FHIT: variants seen among roughly 807,000 people sequenced by gnomAD.
FHIT encodes bis(5'-adenosyl)-triphosphatase.
Under a neutral mutation model 17.9 loss-of-function variants are expected in FHIT, and 19 were observed. The observed-to-expected ratio is 1.06, with a 90% CI of 0.74 to 1.56. The LOEUF (loss-of-function observed/expected upper bound fraction) is 1.56, where lower values mean the gene tolerates loss of function less well. FHIT is among the 40% of genes most tolerant of loss of function. The pLI is 0.00. For synonymous variants in FHIT, 81 were observed against 69.7 expected (o/e 1.16, Z -0.81); for missense variants, 248 against 189.2 (o/e 1.31, Z -1.82).
chr3:59,878,347 G>A (rs1319472797), intron 8 of FHIT, among the ~76,000 whole-genome samples: 2 of 152,060 alleles, frequency 1.3e-5, no homozygotes, highest in Non-Finnish European at 2.9e-5. Flanking sequence ...GACATCCAGA[G>A]CTCCATCTTC....
In FHIT at chr3:59,749,522, C is replaced by G. The variant is rs201214811; in HGVS notation, c.*63G>C. On this transcript the variant is annotated 3_prime_UTR_variant, in exon 10 of 10. Transcript: ENST00000492590. ...GTTCCTCTTGGGGAGAGGCGGGGGG[C>G]GGTCTTCAAACTGGTTGGCAATAGC... is the stretch of plus-strand genomic sequence containing the variant. The G allele has an allele frequency of 8.8e-3, 1,850 of 209,106 alleles. 35 individuals are homozygous for G. The highest frequency in any genetic ancestry group is 0.042 in the African/African-American group (1,690 of 39,958). The allele number at this position is 209,106 out of a possible 1,614,324, so 13.0% of individuals were successfully genotyped here.
At chr3:60,440,709 T>A (rs1184878475) in intron 5 of FHIT, among the ~76,000 whole-genome samples, 1 of 151,424 alleles carries the variant, frequency 6.6e-6, no homozygotes, top group Non-Finnish European at 1.5e-5. Context: ...AATCCAAAGT[T>A]TTTTTCTTGC....
intron 4 of FHIT, among the ~76,000 whole-genome samples, chr3:60,543,906 G>GC (rs2036270093): frequency 9.2e-5 from 1 of 10,924 alleles, no homozygotes; most frequent in Non-Finnish European, 1.5e-4. Context: ...ACCACGCCCG[G>GC]CTTTTTTTTT....
intron 5 of FHIT, among the ~76,000 whole-genome samples, chr3:60,105,453 T>C (rs568568817): frequency 1.3e-5 from 2 of 152,340 alleles, no homozygotes; most frequent in South Asian, 2.1e-4. Flanking sequence ...GACTGAGATA[T>C]GTGTGGCTTC....
At chr3:60,439,131 T>G (rs527550299) in intron 5 of FHIT, among the ~76,000 whole-genome samples, 6 of 152,194 alleles carry the variant, frequency 3.9e-5, no homozygotes, top group Non-Finnish European at 7.4e-5. Flanking sequence ...CTTAGACTGC[T>G]TTGCAGGCAT....
At chr3:60,488,360 T>G (rs182066471) in intron 5 of FHIT, among the ~76,000 whole-genome samples, 1 of 152,294 alleles carries the variant, frequency 6.6e-6, no homozygotes, top group Admixed American at 6.5e-5. Context: ...ATTCTGAAGT[T>G]TAGAAAACCT....
intron 5 of FHIT, among the ~76,000 whole-genome samples, chr3:60,134,707 A>C (rs1315143051): frequency 6.6e-6 from 1 of 152,200 alleles, no homozygotes; most frequent in African/African-American, 2.4e-5. Flanking sequence ...ACAAATGTAG[A>C]CACGTAAACA....
At chr3:61,141,885 G>C (rs1277836300) in intron 2 of FHIT, among the ~76,000 whole-genome samples, 1 of 151,462 alleles carries the variant, frequency 6.6e-6, no homozygotes. Context: ...TGGGAAATCT[G>C]CATCACCGGG....
At chr3:60,969,624 ATATTGGAATTC>A (rs1280735609) in intron 3 of FHIT, among the ~76,000 whole-genome samples, 2 of 152,178 alleles carry the variant, frequency 1.3e-5, no homozygotes, top group Non-Finnish European at 2.9e-5. Flanking sequence ...TAATTTCCAA[ATATTGGAATTC>A]TATCATTATC....
At chr3:60,870,493 G>C (rs1179858288) in intron 3 of FHIT, among the ~76,000 whole-genome samples, 4 of 152,142 alleles carry the variant, frequency 2.6e-5, no homozygotes, top group Non-Finnish European at 5.9e-5. Flanking sequence ...GATGCAGGAG[G>C]TGGAAGGTAG....
At chr3:60,470,363 G>A (rs1376384224) in intron 5 of FHIT, among the ~76,000 whole-genome samples, 1 of 152,016 alleles carries the variant, frequency 6.6e-6, no homozygotes, top group Admixed American at 6.6e-5. Context: ...GCCTGGAGTT[G>A]GGAAATTTAG....
At chr3:60,083,436 G>A (rs995290236) in intron 5 of FHIT, among the ~76,000 whole-genome samples, 3 of 151,984 alleles carry the variant, frequency 2.0e-5, no homozygotes, top group Admixed American at 6.6e-5. Flanking sequence ...TTGGCTACTC[G>A]GGCTCCTTTT....
At chr3:60,527,984 T>G (rs760647472) in intron 5 of FHIT, among the ~76,000 whole-genome samples, 1 of 152,214 alleles carries the variant, frequency 6.6e-6, no homozygotes, top group Non-Finnish European at 1.5e-5. Context: ...ATAGAACAAT[T>G]TTTGTTTCAG....
At chr3:60,332,245 C>A (rs1379274815) in intron 5 of FHIT, among the ~76,000 whole-genome samples, 1 of 152,158 alleles carries the variant, frequency 6.6e-6, no homozygotes, top group African/African-American at 2.4e-5. Context: ...CTCAAAACTC[C>A]TAAATGATAA....
intron 4 of FHIT, among the ~76,000 whole-genome samples, chr3:60,816,253 G>A (rs538652969): frequency 6.6e-6 from 1 of 152,072 alleles, no homozygotes; most frequent in Non-Finnish European, 1.5e-5. Context: ...CCTGATTGCT[G>A]TGGCTAGCAC....
intron 2 of FHIT, among the ~76,000 whole-genome samples, chr3:61,188,101 T>C (rs60664002): frequency 0.21 from 32,270 of 151,632 alleles, 3,509 homozygotes; most frequent in South Asian, 0.29. Flanking sequence ...CTGAAGGAAA[T>C]AGAGACACAA....
chr3:60,077,870 C>A (rs529397206), intron 5 of FHIT, among the ~76,000 whole-genome samples: 1 of 151,862 alleles, frequency 6.6e-6, no homozygotes, highest in East Asian at 1.9e-4. Context: ...CTGCTCTCTT[C>A]ACAAAAAAAG....
intron 7 of FHIT, among the ~76,000 whole-genome samples, chr3:59,946,782 GTT>G (rs1706826620): frequency 6.6e-6 from 1 of 152,072 alleles, no homozygotes; most frequent in African/African-American, 2.4e-5. Flanking sequence ...TGTGGTTTTT[GTT>G]TTTAGTTCTG....
chr3:60,362,480 C>A (rs949151082), intron 5 of FHIT, among the ~76,000 whole-genome samples: 1 of 152,038 alleles, frequency 6.6e-6, no homozygotes, highest in South Asian at 2.1e-4. Flanking sequence ...TTGTTTCTAG[C>A]AAGCATGACA....
Sources: gnomAD v4.1 joint callset for allele counts (sites outside exome capture counted in the v4.1 genomes callset) on GRCh38, gnomAD v4.1.1 for gene constraint, MANE v1.5 for transcripts, NCBI Gene and HGNC (gene_info 2026-07-23, HGNC 2026-07-21) for gene names.